The following HSD17B12 variants were observed in gnomAD, a reference collection of about 807,000 sequenced individuals.
HSD17B12 encodes very-long-chain 3-oxoacyl-CoA reductase.
Under a neutral mutation model 39.3 loss-of-function variants are expected in HSD17B12, and 32 were observed. The observed-to-expected ratio is 0.81, with a 90% CI of 0.61 to 1.09. The LOEUF is 1.09. Ranked by LOEUF, HSD17B12 falls within the 50% of genes least tolerant of loss-of-function variation. HSD17B12 has a pLI of 0.00. For missense variants in HSD17B12, 342 were observed against 382.9 expected (o/e 0.89, Z 0.89); for synonymous variants, 150 against 146.7 (o/e 1.02, Z -0.16).
chr11:43,687,903 A>T (rs1353209071), intron 1 of HSD17B12, among the ~76,000 whole-genome samples: 2 of 152,220 alleles, frequency 1.3e-5, no homozygotes, highest in Non-Finnish European at 2.9e-5. Flanking sequence ...AAACTCAGTT[A>T]AAATTGCCTT....
chr11:43,788,746 C>T (rs1258307504), intron 3 of HSD17B12, among the ~76,000 whole-genome samples: 3 of 148,228 alleles, frequency 2.0e-5, no homozygotes, highest in Non-Finnish European at 4.5e-5. Context: ...TTAATAACCT[C>T]TCCTAAGTAA....
At chr11:43,711,327 CT>C (rs1345459867) in intron 1 of HSD17B12, among the ~76,000 whole-genome samples, 2 of 152,042 alleles carry the variant, frequency 1.3e-5, no homozygotes, top group Non-Finnish European at 2.9e-5. Context: ...TTTATTTTAT[CT>C]TTAGAAAGAA....
At chr11:43,671,700 A>G in the HSD17B12 span, among the ~76,000 whole-genome samples, 2 of 152,204 alleles carry the variant, frequency 1.3e-5, no homozygotes, top group South Asian at 4.1e-4. Flanking sequence ...TTTTTGCATA[A>G]TCACAGCTTT....
chr11:43,795,575 C>T (rs7118659), intron 3 of HSD17B12, among the ~76,000 whole-genome samples: 96,875 of 151,988 alleles, frequency 0.64, 31,312 homozygotes, highest in East Asian at 0.7. Context: ...CTGGATTCTT[C>T]TGGGGAAATT....
At chr11:43,763,433 T>C (rs1950569800) in intron 3 of HSD17B12, among the ~76,000 whole-genome samples, 1 of 152,070 alleles carries the variant, frequency 6.6e-6, no homozygotes, top group Non-Finnish European at 1.5e-5. Flanking sequence ...GAACCTTTAC[T>C]AGCCAGGCTG....
At chr11:43,765,889 A>G (rs1287296253) in intron 3 of HSD17B12, among the ~76,000 whole-genome samples, 1 of 152,130 alleles carries the variant, frequency 6.6e-6, no homozygotes, top group Non-Finnish European at 1.5e-5. Flanking sequence ...GACGGACTGC[A>G]GTGGCACTAT....
At chr11:43,564,415 A>G in the HSD17B12 span, among the ~76,000 whole-genome samples, 1 of 152,234 alleles carries the variant, frequency 6.6e-6, no homozygotes, top group Non-Finnish European at 1.5e-5. Context: ...AGATCAAAAT[A>G]GCCACTTCAT....
At chr11:43,627,163 T>G in the HSD17B12 span, among the ~76,000 whole-genome samples, 3 of 152,092 alleles carry the variant, frequency 2.0e-5, no homozygotes, top group South Asian at 2.1e-4. Context: ...TATGACGACA[T>G]TAAGAGAAAT....
the HSD17B12 span, among the ~76,000 whole-genome samples, chr11:43,666,822 G>C: frequency 6.6e-6 from 1 of 152,190 alleles, no homozygotes; most frequent in Non-Finnish European, 1.5e-5. Context: ...CATGTAAACA[G>C]GGCAACATGA....
chr11:43,760,816 A>AT (rs1950549780), intron 3 of HSD17B12, among the ~76,000 whole-genome samples: 1 of 152,164 alleles, frequency 6.6e-6, no homozygotes, highest in Non-Finnish European at 1.5e-5. Flanking sequence ...AAACCACATG[A>AT]TGTTAGGATT....
chr11:43,680,956 G>C lies in HSD17B12; in HGVS notation c.129G>C (p.Ala43=). Residue 43 remains alanine, a synonymous_variant, in exon 1 of 11, where the codon GCG becomes GCC. Coordinates refer to ENST00000278353, the MANE Select transcript of HSD17B12 (RefSeq NM_016142.3). The part of the protein sequence containing the change: ...ALRVWGVGNE[A]GVGPGLGEWA... ...GGGTCTGGGGAGTGGGGAATGAGGC[G>C]GGGGTCGGCCCGGGGCTCGGAGAAT... is the stretch of plus-strand genomic sequence containing the variant. 6.2e-7 allele frequency: 1 copy of C among 1,608,914 alleles called. No homozygotes were observed. The highest frequency in any genetic ancestry group is 8.5e-7 in the Non-Finnish European group (1 of 1,176,562).
intron 1 of HSD17B12, among the ~76,000 whole-genome samples, chr11:43,688,791 A>G (rs183017547): frequency 6.6e-6 from 1 of 152,224 alleles, no homozygotes; most frequent in African/African-American, 2.4e-5. Context: ...AGGCAAAAAT[A>G]GTTAACCTCT....
chr11:43,806,203 T>C (rs1951016635), intron 4 of HSD17B12: 1 of 152,182 alleles, frequency 6.6e-6, no homozygotes, highest in East Asian at 1.9e-4. Context: ...TCATTGGCCA[T>C]GTGGTTTAAC....
chr11:43,601,744 C>A, the HSD17B12 span, among the ~76,000 whole-genome samples: 1 of 152,158 alleles, frequency 6.6e-6, no homozygotes, highest in African/African-American at 2.4e-5. Context: ...TCTTTGAATA[C>A]TTCCTCTGTT....
chr11:43,583,920 C>A, the HSD17B12 span, among the ~76,000 whole-genome samples: 1 of 152,094 alleles, frequency 6.6e-6, no homozygotes, highest in Non-Finnish European at 1.5e-5. Flanking sequence ...TCCCCTGGGC[C>A]CAGCCAACTA....
At chr11:43,563,185 A>G in the HSD17B12 span, among the ~76,000 whole-genome samples, 49 of 152,182 alleles carry the variant, frequency 3.2e-4, no homozygotes, top group Admixed American at 5.2e-4. Context: ...GAACTTCTGT[A>G]TGGCCCATTA....
At chr11:43,827,905 A>G (rs778550974) in intron 6 of HSD17B12, among the ~76,000 whole-genome samples, 48 of 152,252 alleles carry the variant, frequency 3.2e-4, no homozygotes, top group Non-Finnish European at 4.4e-4. Flanking sequence ...ATATATTTGT[A>G]TACTTTTTGG....
At chr11:43,670,628 T>C in the HSD17B12 span, among the ~76,000 whole-genome samples, 9 of 152,192 alleles carry the variant, frequency 5.9e-5, no homozygotes, top group African/African-American at 2.2e-4. Flanking sequence ...CAGTAGTTCA[T>C]GCCTGTAATC....
intron 7 of HSD17B12, among the ~76,000 whole-genome samples, chr11:43,834,656 C>A (rs1045840020): frequency 3.9e-5 from 6 of 152,082 alleles, no homozygotes; most frequent in African/African-American, 1.2e-4. Context: ...AAAGGCTTGG[C>A]AATTTTTTTT....
Sources: gnomAD v4.1 joint callset for allele counts (sites outside exome capture counted in the v4.1 genomes callset) on GRCh38, gnomAD v4.1.1 for gene constraint, MANE v1.5 for transcripts, NCBI Gene and HGNC (gene_info 2026-07-23, HGNC 2026-07-21) for gene names.